Variants in NTNG2 observed in about 807,000 individuals in gnomAD.
NTNG2 encodes netrin-G2.
NTNG2 carries 15 observed loss-of-function variants against 47.6 expected under a neutral mutation model. The ratio of observed to expected loss-of-function variants is 0.32; its 90% CI spans 0.21 to 0.49. The LOEUF (loss-of-function observed/expected upper bound fraction) is 0.49, where lower values mean the gene tolerates loss of function less well. NTNG2 is among the 20% of genes least tolerant of loss of function. The pLI is 0.99. For missense variants in NTNG2, 578 were observed against 764.6 expected, an observed-to-expected ratio of 0.76 and a Z score of 2.88; for synonymous variants, 307 against 324.6, an observed-to-expected ratio of 0.95 and a Z score of 0.58.
intron 2 of NTNG2, among the ~76,000 whole-genome samples, chr9:132,173,282 T>A (rs1384229187): frequency 2.0e-5 from 3 of 152,182 alleles, no homozygotes; most frequent in African/African-American, 7.2e-5. Flanking sequence ...TTCTGTGAAA[T>A]GACATCTTGT....
At chr9:132,169,483 GA>G (rs1163116555) in intron 2 of NTNG2, among the ~76,000 whole-genome samples, 1 of 152,210 alleles carries the variant, frequency 6.6e-6, no homozygotes, top group Non-Finnish European at 1.5e-5. Flanking sequence ...CGGGCAGTAG[GA>G]TGCTCTGAGG....
intron 1 of NTNG2, among the ~76,000 whole-genome samples, chr9:132,164,973 C>T (rs571873877): frequency 1.3e-5 from 2 of 152,188 alleles, no homozygotes; most frequent in African/African-American, 2.4e-5. Context: ...TGGAGTTTCA[C>T]GGAAACACAG....
rs573944159 is a variant in NTNG2 at position 132,229,184 on chromosome 9, C to T, written c.1031-1388C>T. ...GCAGGGTCACAGGTGAGGCTGGAGG[C>T]GCTGCTGTCCTCAGCACCCAAGTCT... On this transcript the variant is annotated intron_variant, in intron 4 of 7. Coordinates refer to ENST00000393229, the MANE Select transcript of NTNG2 (RefSeq NM_032536.4). 1.3e-3 allele frequency among the ~76,000 whole-genome samples: 205 copies of T among 152,194 alleles called. 1 individual carries two copies. The highest frequency in any genetic ancestry group is 2.7e-3 in the Non-Finnish European group (182 of 68,006).
chr9:132,179,265 C>G (rs1411328174), intron 2 of NTNG2, among the ~76,000 whole-genome samples: 1 of 152,204 alleles, frequency 6.6e-6, no homozygotes, highest in Non-Finnish European at 1.5e-5. Context: ...CCAGTGGGGG[C>G]CGGAGCTGCC....
rs114210579 is a variant in NTNG2 at position 132,179,812 on chromosome 9, G to T, written c.213+12768G>T. 9.2e-3 allele frequency among the ~76,000 whole-genome samples: 1,394 copies of T among 152,322 alleles called. 19 individuals carry two copies. The highest frequency in any genetic ancestry group is 0.032 in the African/African-American group (1,311 of 41,566). ...ACTAGGATCGGTCTCCAGGGCCTCC[G>T]TCACTGTCCTGTCCTGCCTTCTGTC... On this transcript the variant is annotated intron_variant, in intron 2 of 7. Coordinates refer to ENST00000393229, the MANE Select transcript of NTNG2 (RefSeq NM_032536.4).
At chr9:132,232,494 A>G (rs1418764926) in intron 5 of NTNG2, 2 of 152,934 alleles carry the variant, frequency 1.3e-5, no homozygotes, top group South Asian at 2.1e-4. Flanking sequence ...GGAGGGATTC[A>G]CGTGTATTCA....
At position 132,208,531 on chromosome 9, in the gene NTNG2, G is replaced by A. The variant is rs1437750071; in HGVS notation, c.857+9922G>A. 6.6e-6 allele frequency among the ~76,000 whole-genome samples: 1 copy of A among 152,110 alleles called. No individual in the cohort carries two copies. The highest frequency in any genetic ancestry group is 6.5e-5 in the Admixed American group (1 of 15,280). Reference sequence around the variant, plus strand: ...ACAGCAGCCTGGCCGGGTTCTGGCAGGGACAGGGGCTGTGATGTGGGCCGC... The same window carrying A: ...ACAGCAGCCTGGCCGGGTTCTGGCAAGGACAGGGGCTGTGATGTGGGCCGC... On this transcript the variant is annotated intron_variant, in intron 3 of 7. Transcript: ENST00000393229. This position sits in a 1 kb window ranked among gnomAD's most constrained non-coding sequence, Gnocchi z 4.0.
At chr9:132,211,261 C>T (rs896798810) in intron 3 of NTNG2, among the ~76,000 whole-genome samples, 5 of 152,202 alleles carry the variant, frequency 3.3e-5, no homozygotes, top group African/African-American at 1.2e-4. Context: ...ATCCCACTCT[C>T]AGCCTGAACT....
rs1835534379 is a variant in NTNG2, at chr9:132,166,919, G to A, written c.88G>A (p.Glu30Lys). 6.2e-7 allele frequency: 1 copy of A among 1,614,250 alleles called. No individual in the cohort carries two copies. The highest frequency in any genetic ancestry group is 8.5e-7 in the Non-Finnish European group (1 of 1,180,048). Residue 30 changes from glutamate to lysine, a missense_variant, in exon 2 of 8, where the codon GAG becomes AAG. Glu to Lys is a moderately conservative substitution (Grantham distance 56). Transcript: ENST00000393229. Reference protein sequence around the residue: ...DICKSWVTTDEGPTWEFYACQ... With the variant: ...DICKSWVTTDKGPTWEFYACQ... ...CTGCAAATCCTGGGTGACCACAGAT[G>A]AGGGCCCCACCTGGGAGTTCTACGC...
chr9:132,177,634 T>G (rs546037028), intron 2 of NTNG2, among the ~76,000 whole-genome samples: 89 of 152,298 alleles, frequency 5.8e-4, no homozygotes, highest in South Asian at 1.9e-3. Flanking sequence ...TTCTGGACTC[T>G]CAAATCTCTG....
In NTNG2 at chr9:132,236,337, T is replaced by G. The variant is rs1178138723; in HGVS notation, c.1055-2767T>G. ...AAGACACTGACATCCTCCTGCTACG[T>G]GGGAGGAGACACAGGGCTCATCTGT... On this transcript the variant is annotated intron_variant, in intron 5 of 7. Transcript: ENST00000393229. This position sits in a 1 kb window ranked among gnomAD's most constrained non-coding sequence, Gnocchi z 4.3. Among the ~76,000 whole-genome samples, 1 of 152,004 alleles carries G rather than the reference T, an allele frequency of 6.6e-6. No homozygotes were observed. The highest frequency in any genetic ancestry group is 2.4e-5 in the African/African-American group (1 of 41,368).
intron 3 of NTNG2, among the ~76,000 whole-genome samples, chr9:132,207,463 GCAT>G (rs1003758521): frequency 1.3e-5 from 2 of 152,182 alleles, no homozygotes; most frequent in African/African-American, 4.8e-5. Flanking sequence ...CGCTCCCTGA[GCAT>G]CTGTCTTACA....
chr9:132,201,176 C>T lies in NTNG2; in HGVS notation c.857+2567C>T, dbSNP rs145393336. ...CTGTGATGCTCAGGGCCTGGTGGTGCCCCTTCAACCCCAGCAGGGTGACCT... is the reference window on the plus strand; with the variant it reads ...CTGTGATGCTCAGGGCCTGGTGGTGTCCCTTCAACCCCAGCAGGGTGACCT... On this transcript the variant is annotated intron_variant, in intron 3 of 7. Transcript: ENST00000393229. 5.3e-5 allele frequency among the ~76,000 whole-genome samples: 8 copies of T among 152,370 alleles called. No homozygotes were observed. The East Asian group carries it at 1.5e-3, about 29-fold the overall frequency.
chr9:132,176,798 G>A (rs1033397220), intron 2 of NTNG2, among the ~76,000 whole-genome samples: 2 of 152,084 alleles, frequency 1.3e-5, no homozygotes, highest in Non-Finnish European at 1.5e-5. Context: ...CACCTCTTAC[G>A]TTCCCACCAG....
intron 5 of NTNG2, among the ~76,000 whole-genome samples, chr9:132,237,568 T>C (rs1841719259): frequency 6.6e-6 from 1 of 152,134 alleles, no homozygotes; most frequent in African/African-American, 2.4e-5. Context: ...CTGACACCTG[T>C]TCCCCATCCG....
At chr9:132,170,520 A>G (rs1044021889) in intron 2 of NTNG2, among the ~76,000 whole-genome samples, 4 of 152,180 alleles carry the variant, frequency 2.6e-5, no homozygotes, top group South Asian at 4.1e-4. Flanking sequence ...TCACAGGGCA[A>G]CTGCTGCTTG....
At chr9:132,216,338 A>G (rs1839966017) in intron 3 of NTNG2, among the ~76,000 whole-genome samples, 1 of 151,384 alleles carries the variant, frequency 6.6e-6, no homozygotes, top group Non-Finnish European at 1.5e-5. Flanking sequence ...TCACCTAGCC[A>G]ATCAGTAGCA....
At chr9:132,171,911 G>A (rs1002015632) in intron 2 of NTNG2, among the ~76,000 whole-genome samples, 3 of 152,228 alleles carry the variant, frequency 2.0e-5, no homozygotes, top group African/African-American at 7.2e-5. Context: ...CCAGTCGGCA[G>A]ATGTTTCCAG....
At chr9:132,227,219 G>A (rs958289677) in intron 4 of NTNG2, among the ~76,000 whole-genome samples, 198 bp downstream of exon 4, 3 of 152,098 alleles carry the variant, frequency 2.0e-5, no homozygotes, top group Non-Finnish European at 2.9e-5. Flanking sequence ...GCAAAAACAC[G>A]TGCATGCACA....
Sources: gnomAD v4.1 joint callset for allele counts (sites outside exome capture counted in the v4.1 genomes callset) on GRCh38, gnomAD v4.1.1 for gene constraint, Gnocchi (gnomAD v3.1) non-coding constraint, MANE v1.5 for transcripts, NCBI Gene and HGNC (gene_info 2026-07-23, HGNC 2026-07-21) for gene names.